CSMD3: variants seen among roughly 807,000 people sequenced by gnomAD.
CSMD3 encodes the protein CUB and sushi domain-containing protein 3.
In CSMD3, 177 loss-of-function variants were observed where a neutral mutation model predicts 435.2. The ratio of observed to expected loss-of-function variants is 0.41; its 90% CI spans 0.36 to 0.46. The LOEUF (loss-of-function observed/expected upper bound fraction) is 0.46. CSMD3 is among the 20% of genes least tolerant of loss of function. The pLI, the probability that CSMD3 is intolerant of heterozygous loss-of-function variation, is 0.34. For synonymous variants in CSMD3, 1,656 were observed against 1,520.5 expected (o/e 1.09, Z -2.07); for missense variants, 4,265 against 4,504.6 (o/e 0.95, Z 1.52).
chr8:113,431,192 C>A (rs2094670585), intron 1 of CSMD3, among the ~76,000 whole-genome samples: 1 of 152,178 alleles, frequency 6.6e-6, no homozygotes, highest in African/African-American at 2.4e-5. Context: ...TTGGCAACCG[C>A]AGTGTCTGTA....
intron 27 of CSMD3, among the ~76,000 whole-genome samples, chr8:112,543,171 G>A (rs1826843577): frequency 1.3e-5 from 2 of 152,054 alleles, no homozygotes; most frequent in Non-Finnish European, 2.9e-5. Flanking sequence ...AAAAAGAGAA[G>A]AAAGCTTTAT....
chr8:113,049,946 C>T (rs1436502734), intron 5 of CSMD3, among the ~76,000 whole-genome samples: 1 of 152,080 alleles, frequency 6.6e-6, no homozygotes, highest in Non-Finnish European at 1.5e-5. Flanking sequence ...TACAGCACAT[C>T]TCATCATTTT....
chr8:112,443,257 G>A (rs186679021), intron 32 of CSMD3, among the ~76,000 whole-genome samples: 107 of 152,254 alleles, frequency 7.0e-4, no homozygotes, highest in Non-Finnish European at 1.1e-3. Flanking sequence ...ACTCTGATTC[G>A]TGAACCTTAC....
chr8:113,035,228 TAAAG>T (rs1022866831), intron 5 of CSMD3, among the ~76,000 whole-genome samples: 2 of 151,804 alleles, frequency 1.3e-5, no homozygotes, highest in African/African-American at 4.8e-5. Context: ...ACTGATCAAA[TAAAG>T]AAAGATAGGG....
intron 3 of CSMD3, among the ~76,000 whole-genome samples, chr8:113,260,317 C>T (rs2093416661): frequency 6.6e-6 from 1 of 152,122 alleles, no homozygotes; most frequent in East Asian, 1.9e-4. Context: ...ATCACCATGT[C>T]TTTCTCAATA....
chr8:113,230,091 A>G (rs1040977568), intron 3 of CSMD3, among the ~76,000 whole-genome samples: 1 of 151,234 alleles, frequency 6.6e-6, no homozygotes, highest in Non-Finnish European at 1.5e-5. Context: ...CTGAGATAAT[A>G]GGTTCTGGGT....
At chr8:112,863,794 G>GA (rs2080891370) in intron 10 of CSMD3, among the ~76,000 whole-genome samples, 1 of 151,804 alleles carries the variant, frequency 6.6e-6, no homozygotes, top group Non-Finnish European at 1.5e-5. Context: ...GTACATTTGA[G>GA]AAATTCAGCT....
intron 2 of CSMD3, among the ~76,000 whole-genome samples, chr8:113,284,665 C>A (rs2093633689): frequency 6.6e-6 from 1 of 151,970 alleles, no homozygotes; most frequent in Non-Finnish European, 1.5e-5. Flanking sequence ...ATTGTTTTCA[C>A]TTGGACTTAA....
At chr8:113,009,614 T>A (rs1029781019) in intron 6 of CSMD3, among the ~76,000 whole-genome samples, 2 of 151,834 alleles carry the variant, frequency 1.3e-5, no homozygotes, top group Admixed American at 6.6e-5. Context: ...GAGTCTCATG[T>A]TAGTTATGAA....
chr8:113,215,012 G>A lies in CSMD3; in HGVS notation c.515-41096C>T, dbSNP rs1273008677. ...TTTTAAAACAATGATAGTGTAAAGA[G>A]ACATATTGTAAATATTTCATAGAAA... On this transcript the variant is annotated intron_variant, in intron 3 of 70. Coordinates refer to ENST00000297405, the MANE Select transcript of CSMD3 (RefSeq NM_198123.2). 2.0e-5 allele frequency among the ~76,000 whole-genome samples: 3 copies of A among 151,790 alleles called. No individual in the cohort carries two copies. In the East Asian group the frequency reaches 5.8e-4, roughly 29 times the overall value.
intron 13 of CSMD3, among the ~76,000 whole-genome samples, chr8:112,730,916 G>A (rs966366398): frequency 1.3e-5 from 2 of 151,958 alleles, no homozygotes; most frequent in Non-Finnish European, 2.9e-5. Flanking sequence ...GAAACCACAC[G>A]GGAGAACGTA....
intron 3 of CSMD3, among the ~76,000 whole-genome samples, chr8:113,276,622 AT>A (rs1486574588): frequency 1.3e-5 from 2 of 152,038 alleles, no homozygotes; most frequent in African/African-American, 4.8e-5. Context: ...GCCCACTGAA[AT>A]TTTTATTTTA....
At chr8:112,871,523 C>G (rs193023128) in intron 10 of CSMD3, among the ~76,000 whole-genome samples, 10 of 151,960 alleles carry the variant, frequency 6.6e-5, no homozygotes, top group Non-Finnish European at 1.5e-4. Context: ...GTGAGAAGAC[C>G]AGCACTGGAA....
chr8:113,192,807 T>C (rs1336150257), intron 3 of CSMD3, among the ~76,000 whole-genome samples: 1 of 149,586 alleles, frequency 6.7e-6, no homozygotes, highest in African/African-American at 2.5e-5. Flanking sequence ...AGTCCTCCTT[T>C]TTCTTTCAAA....
chr8:113,229,500 A>T (rs1266331276), intron 3 of CSMD3, among the ~76,000 whole-genome samples: 6 of 151,456 alleles, frequency 4.0e-5, no homozygotes, highest in Admixed American at 2.0e-4. Context: ...AAAAAAAAAA[A>T]TTATATTCAG....
intron 10 of CSMD3, among the ~76,000 whole-genome samples, chr8:112,886,786 T>A (rs2130276152): frequency 6.6e-6 from 1 of 151,716 alleles, no homozygotes; most frequent in South Asian, 2.1e-4. Flanking sequence ...ATACAAATGG[T>A]GCACACTCCC....
At chr8:113,314,849 T>C (rs1267899807) in intron 1 of CSMD3, 56 bp from the exon 2 acceptor site, 2 of 1,139,232 alleles carry the variant, frequency 1.8e-6, no homozygotes, top group East Asian at 4.7e-5. Context: ...GAACAATCCA[T>C]GAGATAATAT....
chr8:112,497,042 T>G (rs1197827124), intron 30 of CSMD3, among the ~76,000 whole-genome samples: 3 of 152,180 alleles, frequency 2.0e-5, no homozygotes, highest in Non-Finnish European at 4.4e-5. Flanking sequence ...ATTGTATACC[T>G]GTATCAAAAT....
chr8:112,465,166 T>TTA, intron 32 of CSMD3, among the ~76,000 whole-genome samples: 1 of 152,290 alleles, frequency 6.6e-6, no homozygotes, highest in East Asian at 1.9e-4. Flanking sequence ...TTTAGTAGCC[T>TTA]ATTTTAGCTG....
Sources: gnomAD v4.1 joint callset for allele counts (sites outside exome capture counted in the v4.1 genomes callset) on GRCh38, gnomAD v4.1.1 for gene constraint, MANE v1.5 for transcripts, NCBI Gene and HGNC (gene_info 2026-07-23, HGNC 2026-07-21) for gene names.